The following NRG1 variants were observed in gnomAD, a reference collection of about 807,000 sequenced individuals.
NRG1 encodes pro-neuregulin-1, membrane-bound isoform.
A neutral mutation model predicts 63.8 loss-of-function variants in NRG1; 18 were observed. The observed-to-expected ratio is 0.28, with a 90% CI of 0.19 to 0.42. The LOEUF (loss-of-function observed/expected upper bound fraction) is 0.42, where lower values mean the gene tolerates loss of function less well. NRG1 is among the 10% of genes least tolerant of loss of function. The pLI is 1.00. For synonymous variants in NRG1, 302 were observed against 301.3 expected (o/e 1.00, Z -0.02); for missense variants, 762 against 814.7 (o/e 0.94, Z 0.79).
At chr8:31,809,474 T>C (rs1316668072) in intron 1 of NRG1, among the ~76,000 whole-genome samples, 1 of 150,414 alleles carries the variant, frequency 6.6e-6, no homozygotes, top group Non-Finnish European at 1.5e-5. Flanking sequence ...CTGTCTTAAC[T>C]TTTTTATGCT....
chr8:32,685,313 G>A (rs1397615799), intron 5 of NRG1, among the ~76,000 whole-genome samples: 4 of 152,108 alleles, frequency 2.6e-5, no homozygotes, highest in African/African-American at 7.2e-5. Context: ...ACAGCGTGGT[G>A]GGGCCTCAAT....
At chr8:32,435,768 T>C (rs1462789485) in intron 1 of NRG1, among the ~76,000 whole-genome samples, 1 of 152,154 alleles carries the variant, frequency 6.6e-6, no homozygotes, top group Non-Finnish European at 1.5e-5. Context: ...GTCAATAAAA[T>C]TCATAAATAT....
intron 1 of NRG1, among the ~76,000 whole-genome samples, chr8:31,831,250 C>T (rs758249769): frequency 6.6e-6 from 1 of 151,994 alleles, no homozygotes; most frequent in East Asian, 1.9e-4. Flanking sequence ...TACAGGCACA[C>T]ACCACCATGC....
chr8:31,971,649 A>G (rs1807293574), intron 1 of NRG1, among the ~76,000 whole-genome samples: 1 of 152,176 alleles, frequency 6.6e-6, no homozygotes, highest in Admixed American at 6.5e-5. Flanking sequence ...TTATCTTATC[A>G]TTGAGATTCA....
intron 1 of NRG1, among the ~76,000 whole-genome samples, chr8:32,247,070 T>C (rs1769297229): frequency 6.6e-6 from 1 of 151,660 alleles, no homozygotes; most frequent in South Asian, 2.1e-4. Context: ...TTGTACCCCA[T>C]ATACTTACAA....
chr8:32,605,760 A>G, intron 3 of NRG1, 77 bp downstream of exon 3: 2 of 1,491,064 alleles, frequency 1.3e-6, no homozygotes, highest in Non-Finnish European at 1.8e-6. Context: ...CTCATAATAG[A>G]CTGGTGTGTT....
In NRG1 at chr8:31,827,117, G is replaced by A. The variant is rs186817946; in HGVS notation, c.37+187686G>A. 3.9e-5 allele frequency among the ~76,000 whole-genome samples: 6 copies of A among 152,198 alleles called. No individual in the cohort carries two copies. In the South Asian group the frequency reaches 6.2e-4, roughly 16 times the overall value. ...TTGTTTTTTTCTGGTTCAGGGTACC[G>A]TAACAGAAGGTGGGAAGCTATATTT... On this transcript the variant is annotated intron_variant, in intron 1 of 10. Transcript: ENST00000519301.
At chr8:32,587,540 A>G (rs1431420796) in intron 1 of NRG1, among the ~76,000 whole-genome samples, 4 of 152,190 alleles carry the variant, frequency 2.6e-5, no homozygotes, top group Non-Finnish European at 5.9e-5. Context: ...CAGAACACAA[A>G]CAATGTCACA....
At chr8:32,520,761 C>T (rs1314069378) in intron 1 of NRG1, among the ~76,000 whole-genome samples, 2 of 152,156 alleles carry the variant, frequency 1.3e-5, no homozygotes, top group African/African-American at 4.8e-5. Context: ...TAAAAAATCC[C>T]AGAAATAAAC....
At chr8:31,713,390 A>G (rs1380315380) in intron 1 of NRG1, among the ~76,000 whole-genome samples, 2 of 152,148 alleles carry the variant, frequency 1.3e-5, no homozygotes, top group Non-Finnish European at 2.9e-5. Context: ...TGCTGGGATT[A>G]CAGGTATGAG....
chr8:31,728,512 A>G (rs968310965), intron 1 of NRG1, among the ~76,000 whole-genome samples: 4 of 152,184 alleles, frequency 2.6e-5, no homozygotes, highest in South Asian at 2.1e-4. Context: ...TTTGGCTCAA[A>G]TATTGGTAGT....
chr8:32,727,814 G>T lies in NRG1; in HGVS notation c.503-135G>T, dbSNP rs953691376. 6.5e-6 allele frequency: 5 copies of T among 765,228 alleles called. No homozygotes were observed. In the African/African-American group the frequency reaches 7.0e-5, roughly 11 times the overall value. The allele number at this position is 765,228 out of a possible 1,614,324, so 47.4% of individuals were successfully genotyped here. On this transcript the variant is annotated intron_variant, in intron 5 of 11. Coordinates refer to ENST00000356819, the Ensembl canonical transcript of NRG1. ...CAAACAGCTTAACTTCTCTGCTATT[G>T]TTTGTAAGGTCTGCAAGTTTAGTGA...
chr8:32,679,376 A>G (rs1474405763), intron 5 of NRG1, among the ~76,000 whole-genome samples: 1 of 152,154 alleles, frequency 6.6e-6, no homozygotes, highest in African/African-American at 2.4e-5. Context: ...TATAAATGAA[A>G]TGCAGCTTTT....
intron 11 of NRG1, among the ~76,000 whole-genome samples, chr8:32,762,168 A>G (rs1048208831): frequency 1.3e-5 from 2 of 152,186 alleles, no homozygotes; most frequent in Non-Finnish European, 2.9e-5. Flanking sequence ...CCTGCAACCA[A>G]TCTATGAAAA....
chr8:31,684,853 A>G (rs1406598061), intron 1 of NRG1, among the ~76,000 whole-genome samples: 7 of 152,074 alleles, frequency 4.6e-5, no homozygotes, highest in Non-Finnish European at 1.5e-5. Flanking sequence ...ATATATGGCT[A>G]AGTTAAAAAA....
At chr8:32,191,186 G>C (rs1309668744) in intron 1 of NRG1, among the ~76,000 whole-genome samples, 1 of 151,880 alleles carries the variant, frequency 6.6e-6, no homozygotes, top group Non-Finnish European at 1.5e-5. Flanking sequence ...ATGGATTCAA[G>C]AGATTCTTCT....
At chr8:31,826,480 C>T (rs575229322) in intron 1 of NRG1, among the ~76,000 whole-genome samples, 5 of 152,310 alleles carry the variant, frequency 3.3e-5, no homozygotes, top group East Asian at 1.9e-4. Flanking sequence ...GCTCCTCCTT[C>T]GTCTTCCGCC....
intron 1 of NRG1, among the ~76,000 whole-genome samples, chr8:32,279,190 C>G (rs952254745): frequency 6.6e-6 from 1 of 152,076 alleles, no homozygotes; most frequent in African/African-American, 2.4e-5. Context: ...TTGAAAAAAC[C>G]CTGAAGGAGA....
At chr8:32,670,143 C>T (rs2128892541) in intron 5 of NRG1, among the ~76,000 whole-genome samples, 1 of 152,262 alleles carries the variant, frequency 6.6e-6, no homozygotes, top group Non-Finnish European at 1.5e-5. Context: ...AAAACATATT[C>T]TTGAAACTCC....
Sources: allele counts gnomAD v4.1 joint callset (sites outside exome capture counted in the v4.1 genomes callset), GRCh38; gene constraint gnomAD v4.1.1; transcripts MANE v1.5; gene names NCBI Gene and HGNC (gene_info 2026-07-23, HGNC 2026-07-21).